ADGRD1: variants seen among roughly 807,000 people sequenced by gnomAD.
ADGRD1 encodes adhesion G protein-coupled receptor D1, also known as G-protein coupled receptor 133.
A neutral mutation model predicts 113.4 loss-of-function variants in ADGRD1; 77 were observed. The ratio of observed to expected loss-of-function variants is 0.68; its 90% CI spans 0.57 to 0.82. The LOEUF (loss-of-function observed/expected upper bound fraction) is 0.82, where lower values mean the gene tolerates loss of function less well. Among genes scored for constraint, ADGRD1 ranks in the 40% least tolerant of loss-of-function variants. The probability of loss-of-function intolerance (pLI) is 0.00; values close to 1 mark genes in which losing one functional copy is unlikely to be tolerated. For synonymous variants in ADGRD1, 474 were observed against 475.0 expected (o/e 1.00, Z 0.03); for missense variants, 1,036 against 1,139.1 (o/e 0.91, Z 1.30).
intron 6 of ADGRD1, chr12:130,988,522 C>T (rs34642708): frequency 0.09 from 13,675 of 152,290 alleles, 795 homozygotes; most frequent in Middle Eastern, 0.15. Context: ...CTATTGATTG[C>T]ATGACAGAAA....
At chr12:130,980,037 G>C (rs552674389) in intron 4 of ADGRD1, among the ~76,000 whole-genome samples, 2 of 152,262 alleles carry the variant, frequency 1.3e-5, no homozygotes, top group East Asian at 3.9e-4. Flanking sequence ...CCCCAGACCA[G>C]TGGGTGTGAG....
intron 22 of ADGRD1, 64 bp from the exon 23 acceptor site, chr12:131,136,909 C>T (rs983789867): frequency 1.4e-5 from 18 of 1,309,886 alleles, no homozygotes; most frequent in Non-Finnish European, 1.9e-5. Context: ...ATGGGAGGAA[C>T]CTCCAGTGTT....
intron 9 of ADGRD1, among the ~76,000 whole-genome samples, chr12:131,000,745 A>ACC (rs1450658058): frequency 1.4e-5 from 2 of 140,288 alleles, no homozygotes; most frequent in Non-Finnish European, 1.5e-5. Flanking sequence ...TGTCTCAAAA[A>ACC]ACAAAAAAAA....
intron 13 of ADGRD1, among the ~76,000 whole-genome samples, chr12:131,065,132 A>G (rs777660129): frequency 6.6e-6 from 1 of 152,156 alleles, no homozygotes; most frequent in Non-Finnish European, 1.5e-5. Context: ...TGGCCATCCC[A>G]TTCCCCACAC....
intron 8 of ADGRD1, 67 bp downstream of exon 8, chr12:130,992,459 T>C: frequency 1.5e-6 from 2 of 1,364,052 alleles, no homozygotes; most frequent in African/African-American, 2.9e-5. Context: ...CATAGATGTT[T>C]CTGTTTGACC....
At chr12:130,985,559 G>GTT (rs55688458) in intron 5 of ADGRD1, among the ~76,000 whole-genome samples, 231 of 150,190 alleles carry the variant, frequency 1.5e-3, no homozygotes, top group Non-Finnish European at 2.1e-3. Context: ...TTTTTTTTTT[G>GTT]TTTTTTTTGA....
rs1489164029 is a variant in ADGRD1 at position 131,139,664 on chromosome 12, G to A, written c.*401G>A. On this transcript the variant is annotated 3_prime_UTR_variant, in exon 25 of 25. Coordinates refer to ENST00000261654, the MANE Select transcript of ADGRD1 (RefSeq NM_198827.5). Reference sequence around the variant, plus strand: ...GCCTCTGTGCCTTGGTGGGGCTTGGGGACTCAGGGCCAAAGAGGTGGTTCA... The same window carrying A: ...GCCTCTGTGCCTTGGTGGGGCTTGGAGACTCAGGGCCAAAGAGGTGGTTCA... 1.1e-5 allele frequency: 2 copies of A among 175,290 alleles called. No homozygotes were observed. The highest frequency in any genetic ancestry group is 2.5e-3 in the Middle Eastern group (1 of 398). The allele number at this position is 175,290 out of a possible 1,614,324, so 10.9% of individuals were successfully genotyped here. A position where few individuals can be genotyped will look rare whatever the true frequency, so the allele number is the denominator to read the frequency against.
intron 2 of ADGRD1, among the ~76,000 whole-genome samples, chr12:130,955,719 C>T (rs1869481587): frequency 6.6e-6 from 1 of 152,236 alleles, no homozygotes; most frequent in Non-Finnish European, 1.5e-5. Flanking sequence ...CTGGGCACCC[C>T]CCCGAGCGCT....
chr12:131,105,447 T>C (rs958337986), intron 16 of ADGRD1, among the ~76,000 whole-genome samples: 1 of 152,130 alleles, frequency 6.6e-6, no homozygotes, highest in African/African-American at 2.4e-5. Flanking sequence ...GGAACAGCTA[T>C]GCAAAGGCCC....
intron 15 of ADGRD1, among the ~76,000 whole-genome samples, chr12:131,091,695 A>C (rs1455143805): frequency 1.3e-5 from 2 of 148,586 alleles, no homozygotes. Flanking sequence ...CAAGGTTGTT[A>C]GTGGGCCGGG....
chr12:131,138,373 C>A, intron 24 of ADGRD1, 144 bp downstream of exon 24: 1 of 675,972 alleles, frequency 1.5e-6, no homozygotes, highest in South Asian at 1.7e-5. Context: ...GCAGGCTGCA[C>A]GTGCTCTGGG....
chr12:131,095,994 C>T (rs34487288), intron 15 of ADGRD1, among the ~76,000 whole-genome samples: 18,952 of 149,836 alleles, frequency 0.13, 1,223 homozygotes, highest in Middle Eastern at 0.16. Context: ...CCACCGTTCC[C>T]GCCTCCCAGC....
chr12:131,066,350 G>T (rs954467197), intron 13 of ADGRD1, among the ~76,000 whole-genome samples: 1 of 152,194 alleles, frequency 6.6e-6, no homozygotes, highest in Admixed American at 6.5e-5. Context: ...CTCACTCCGA[G>T]GGGTGACTCC....
In ADGRD1 at chr12:131,084,763, T is replaced by TGGC; in HGVS notation, c.1671+102_1671+103insCGG. On this transcript the variant is annotated intron_variant, in intron 15 of 24. Coordinates refer to ENST00000261654, the MANE Select transcript of ADGRD1 (RefSeq NM_198827.5). The surrounding 1 kb of genome is among the most constrained non-coding windows in gnomAD (Gnocchi z 4.5). ...TTTGCCCGCCAGTGCCCACGGGCCC[T>TGGC]GGGCACATTACTCCATGGGGCCTGT... 1 of 1,265,712 alleles carries TGGC rather than the reference T, an allele frequency of 7.9e-7. No homozygotes were observed. Among genetic ancestry groups the TGGC allele is most frequent in the Non-Finnish European group, 1.1e-6 (1 of 894,070 alleles). 78.4% of individuals were successfully genotyped at this position (1,265,712 alleles called of 1,614,324 possible).
intron 5 of ADGRD1, among the ~76,000 whole-genome samples, chr12:130,982,346 C>T (rs371908302): frequency 3.3e-5 from 5 of 152,212 alleles, no homozygotes; most frequent in African/African-American, 9.6e-5. Context: ...AGTGATCACA[C>T]CTGTGATGTG....
chr12:130,977,752 T>C (rs538594724), intron 4 of ADGRD1: 1 of 152,474 alleles, frequency 6.6e-6, no homozygotes, highest in Non-Finnish European at 1.5e-5. Context: ...GTGTGGTCTG[T>C]GGTGACTGGG....
rs78464994 is a variant in ADGRD1 at position 131,035,149 on chromosome 12, C to T, written c.1473+20809C>T. On this transcript the variant is annotated intron_variant, in intron 13 of 24. Coordinates refer to ENST00000261654, the MANE Select transcript of ADGRD1 (RefSeq NM_198827.5). The stretch of plus-strand genomic sequence containing the variant: ...ACCTCCGGGCCTTTGTACACGCTGT[C>T]CCCTCTGCCCAGAGCACTCTCCTCC... 540 of 153,058 alleles carry T rather than the reference C, an allele frequency of 3.5e-3. 3 individuals are homozygous for T. The highest frequency in any genetic ancestry group is 3.4e-3 in the Non-Finnish European group (236 of 68,470). The allele number at this position is 153,058 out of a possible 1,614,324, so 9.5% of individuals were successfully genotyped here.
intron 2 of ADGRD1, among the ~76,000 whole-genome samples, chr12:130,963,339 A>G (rs1212209058): frequency 5.3e-4 from 73 of 136,530 alleles, no homozygotes; most frequent in Admixed American, 4.2e-3. Flanking sequence ...AAAAAAAAAA[A>G]AAAGAAAGAA....
chr12:131,123,047 T>G (rs975127045), intron 20 of ADGRD1, among the ~76,000 whole-genome samples: 23 of 120,982 alleles, frequency 1.9e-4, no homozygotes, highest in African/African-American at 7.1e-4. Flanking sequence ...GAGTTTTTTT[T>G]TTTTTTTTTT....
Sources: allele counts gnomAD v4.1 joint callset (sites outside exome capture counted in the v4.1 genomes callset), GRCh38; gene constraint gnomAD v4.1.1; non-coding constraint Gnocchi (gnomAD v3.1); transcripts MANE v1.5; gene names NCBI Gene and HGNC (gene_info 2026-07-23, HGNC 2026-07-21).